Variants in RPH3A observed in about 807,000 individuals in gnomAD.
RPH3A encodes the protein rabphilin 3A.
In RPH3A, 48 loss-of-function variants were observed where a neutral mutation model predicts 102.2. That is an observed-to-expected ratio of 0.47 (90% CI 0.37 to 0.60). The LOEUF is 0.60. Among genes scored for constraint, RPH3A ranks in the 20% least tolerant of loss-of-function variants. RPH3A has a pLI of 0.00. For synonymous variants in RPH3A, 310 were observed against 324.3 expected, an observed-to-expected ratio of 0.96 and a Z score of 0.47; for missense variants, 781 against 910.1, an observed-to-expected ratio of 0.86 and a Z score of 1.83.
At chr12:112,607,193 C>T (rs754142513) in intron 1 of RPH3A, among the ~76,000 whole-genome samples, 2 of 152,200 alleles carry the variant, frequency 1.3e-5, no homozygotes, top group Non-Finnish European at 2.9e-5. Context: ...GGGCTACTTT[C>T]ATTTGTAAAA....
chr12:112,598,046 G>C (rs903134843), intron 1 of RPH3A, among the ~76,000 whole-genome samples: 2 of 152,202 alleles, frequency 1.3e-5, no homozygotes, highest in African/African-American at 4.8e-5. Flanking sequence ...GATTTTGAGT[G>C]CAAGAGTTTA....
chr12:112,730,089 A>G (rs957787398), intron 1 of RPH3A, among the ~76,000 whole-genome samples: 1 of 152,190 alleles, frequency 6.6e-6, no homozygotes, highest in Non-Finnish European at 1.5e-5. Context: ...AAACCAAGGA[A>G]TGCCAGTGAT....
rs180729794 is a variant in RPH3A, at chr12:112,719,644, T to G, written c.-139-72499T>G. Among the ~76,000 whole-genome samples the G allele has an allele frequency of 2.9e-3, 428 of 149,836 alleles. 1 individual carries two copies. The highest frequency in any genetic ancestry group is 9.6e-3 in the African/African-American group (388 of 40,616). ...AGACATTCAATAAAGGTTTGTGGAA[T>G]GACTAAATGACTAACAGCCTCTTTG... On this transcript the variant is annotated intron_variant, in intron 1 of 21. Coordinates refer to the RPH3A transcript ENST00000543106.
At chr12:112,825,394 A>C (rs1167819773) in intron 2 of RPH3A, among the ~76,000 whole-genome samples, 1 of 152,224 alleles carries the variant, frequency 6.6e-6, no homozygotes, top group African/African-American at 2.4e-5. Context: ...GAGGGAGGTC[A>C]CTGTGTGTTC....
chr12:112,880,736 G>A (rs751575108), intron 14 of RPH3A, among the ~76,000 whole-genome samples: 2 of 152,146 alleles, frequency 1.3e-5, no homozygotes, highest in African/African-American at 4.8e-5. Context: ...TTAGCCTACT[G>A]TTGCCTGGAA....
intron 2 of RPH3A, among the ~76,000 whole-genome samples, chr12:112,797,326 A>G (rs2041252089): frequency 6.6e-6 from 1 of 152,196 alleles, no homozygotes; most frequent in Admixed American, 6.5e-5. Flanking sequence ...AAAGTGAAGC[A>G]GGCTTGGTTT....
intron 2 of RPH3A, among the ~76,000 whole-genome samples, chr12:112,811,528 A>ACC (rs34419577): frequency 2.6e-4 from 35 of 133,436 alleles, no homozygotes; most frequent in Non-Finnish European, 5.2e-4. Flanking sequence ...ACTAAATAGA[A>ACC]CCCCCCCCCC....
intron 1 of RPH3A, among the ~76,000 whole-genome samples, chr12:112,608,504 G>A (rs2135972776): frequency 6.6e-6 from 1 of 152,216 alleles, no homozygotes; most frequent in South Asian, 2.1e-4. Flanking sequence ...GTGCTTTGGG[G>A]GAACACTTCC....
Position 112,868,418 on chromosome 12 carries a change from C to T in RPH3A, c.445-12C>T. 6.2e-7 allele frequency: 1 copy of T among 1,610,742 alleles called. No homozygotes were observed. Among genetic ancestry groups the T allele is most frequent in the Non-Finnish European group, 8.5e-7 (1 of 1,177,498 alleles). On this transcript the variant is annotated splice_polypyrimidine_tract_variant and intron_variant, in intron 7 of 21. Transcript: ENST00000389385. ...GCTGCCACATCTTCAATCCCTGTCT[C>T]TCCTCCCCAAGGTGTGGAAGCGTTC...
intron 3 of RPH3A, among the ~76,000 whole-genome samples, chr12:112,830,779 C>T (rs1340711555): frequency 6.6e-6 from 1 of 151,904 alleles, no homozygotes; most frequent in Non-Finnish European, 1.5e-5. Context: ...TAAAAAACAA[C>T]ATCAGCTTTC....
At chr12:112,861,231 T>A (rs1460899516) in intron 5 of RPH3A, among the ~76,000 whole-genome samples, 1 of 152,196 alleles carries the variant, frequency 6.6e-6, no homozygotes. Context: ...ATTTTCCAGA[T>A]GAGCAAATTG....
chr12:112,841,190 A>AAAAAAAAAAAAAAAAAAAAAAAAC, intron 4 of RPH3A, among the ~76,000 whole-genome samples: 2 of 149,974 alleles, frequency 1.3e-5, no homozygotes, highest in Non-Finnish European at 3.0e-5. Flanking sequence ...AAAAAAAAAA[A>AAAAAAAAAAAAAAAAAAAAAAAAC]AAAAGCCTCG....
chr12:112,852,535 G>A (rs368040820), intron 5 of RPH3A, among the ~76,000 whole-genome samples: 4 of 152,128 alleles, frequency 2.6e-5, no homozygotes, highest in Non-Finnish European at 2.9e-5. Context: ...ATATAGCCAC[G>A]CTAGCTAGAG....
chr12:112,694,033 C>G (rs1279144985), intron 1 of RPH3A, among the ~76,000 whole-genome samples: 1 of 152,232 alleles, frequency 6.6e-6, no homozygotes, highest in Non-Finnish European at 1.5e-5. Flanking sequence ...AGGAAAACTC[C>G]TCTTGAAGCT....
chr12:112,666,254 G>A (rs1286238309), intron 1 of RPH3A, among the ~76,000 whole-genome samples: 1 of 152,204 alleles, frequency 6.6e-6, no homozygotes, highest in African/African-American at 2.4e-5. Flanking sequence ...CCTCTGCTGT[G>A]TGGTGCCAGG....
chr12:112,639,345 C>T (rs2039870046), intron 1 of RPH3A, among the ~76,000 whole-genome samples: 1 of 152,190 alleles, frequency 6.6e-6, no homozygotes, highest in South Asian at 2.1e-4. Context: ...ATGTCCTTTG[C>T]AGGCTATGGA....
intron 1 of RPH3A, among the ~76,000 whole-genome samples, chr12:112,604,133 T>A (rs1448829086): frequency 6.6e-6 from 1 of 152,196 alleles, no homozygotes; most frequent in Non-Finnish European, 1.5e-5. Context: ...TAAGTGATTT[T>A]CTCAAGAGCA....
At chr12:112,633,953 G>A (rs974482529) in intron 1 of RPH3A, among the ~76,000 whole-genome samples, 1 of 152,184 alleles carries the variant, frequency 6.6e-6, no homozygotes, top group African/African-American at 2.4e-5. Flanking sequence ...TCATGAGATG[G>A]CTTTCAAGTT....
rs540056168 is a variant in RPH3A, at chr12:112,871,904, G to A, written c.796+1865G>A. 2.0e-5 allele frequency among the ~76,000 whole-genome samples: 3 copies of A among 150,688 alleles called. No homozygotes were observed. In the South Asian group the frequency reaches 6.3e-4, roughly 31 times the overall value. ...TATATACATATATATAGTGGTGTGT[G>A]TGTATATATATATTATATATACTAC... is the stretch of plus-strand genomic sequence containing the variant. On this transcript the variant is annotated intron_variant, in intron 10 of 21. Transcript: ENST00000389385.
Sources: gnomAD v4.1 joint callset for allele counts (sites outside exome capture counted in the v4.1 genomes callset) on GRCh38, gnomAD v4.1.1 for gene constraint, MANE v1.5 for transcripts, NCBI Gene and HGNC (gene_info 2026-07-23, HGNC 2026-07-21) for gene names.